NCOR1: variants seen among roughly 807,000 people sequenced by gnomAD.
NCOR1 encodes nuclear receptor corepressor 1, also known as protein phosphatase 1, regulatory subunit 109.
NCOR1 carries 63 observed loss-of-function variants against 288.1 expected under a neutral mutation model. The observed-to-expected ratio is 0.22, with a 90% CI of 0.18 to 0.27. NCOR1 has a LOEUF of 0.27. Ranked by LOEUF, NCOR1 falls within the 10% of genes least tolerant of loss-of-function variation. NCOR1 has a pLI of 1.00. For missense variants in NCOR1, 2,397 were observed against 3,019.2 expected (o/e 0.79, Z 4.83); for synonymous variants, 1,007 against 1,065.9 (o/e 0.94, Z 1.08).
intron 13 of NCOR1, chr17:16,137,857 C>G (rs1599244540): frequency 6.6e-6 from 2 of 303,850 alleles, no homozygotes; most frequent in Admixed American, 9.8e-5. Flanking sequence ...GTATTATGTG[C>G]TGCTGAAGCG....
intron 14 of NCOR1, 137 bp from the exon 15 acceptor site, chr17:16,126,343 A>T (rs1436836531): frequency 1.0e-5 from 9 of 877,098 alleles, no homozygotes; most frequent in Non-Finnish European, 1.3e-5. Context: ...TCGTGTGTTA[A>T]AAACCAGTCT....
At chr17:16,148,882 T>A (rs989661017) in intron 9 of NCOR1, among the ~76,000 whole-genome samples, 1 of 152,258 alleles carries the variant, frequency 6.6e-6, no homozygotes, top group Non-Finnish European at 1.5e-5. Flanking sequence ...CACTTCAGTT[T>A]AAATGTATTA....
Position 16,189,341 on chromosome 17 carries a change from C to T in NCOR1, c.109-2654G>A, listed in dbSNP as rs143676146. ...CCCAGGAGGTGGAGGTTGCAATGAG[C>T]CAAGATTGTGCCACTGTACTTCAGC... is the stretch of plus-strand genomic sequence containing the variant. On this transcript the variant is annotated intron_variant, in intron 2 of 45. Transcript: ENST00000268712. Among the ~76,000 whole-genome samples the T allele has an allele frequency of 3.9e-5, 6 of 152,182 alleles. No individual in the cohort carries two copies. The East Asian group carries it at 1.2e-3, about 29-fold the overall frequency.
chr17:16,127,074 A>G (rs1303677773), intron 14 of NCOR1, among the ~76,000 whole-genome samples: 1 of 151,668 alleles, frequency 6.6e-6, no homozygotes, highest in Admixed American at 6.6e-5. Context: ...ACTGTGCCTA[A>G]TATACAAATC....
intron 18 of NCOR1, among the ~76,000 whole-genome samples, chr17:16,113,901 AG>A (rs2070905526): frequency 1.3e-5 from 2 of 152,142 alleles, no homozygotes; most frequent in African/African-American, 4.8e-5. Context: ...TCAAAAAAAA[AG>A]AAAAAAGAAA....
intron 3 of NCOR1, among the ~76,000 whole-genome samples, chr17:16,186,009 G>A (rs1278601611): frequency 2.0e-5 from 3 of 152,036 alleles, no homozygotes; most frequent in African/African-American, 7.2e-5. Flanking sequence ...GAGATGGTAA[G>A]GACACTCAGG....
rs1971780689 is a variant in NCOR1, at chr17:16,029,807, C to T, written c.*2489G>A. ...TTTAACTCTCATTCTGAGATTTCTT[C>T]TCCAGGTGATGGTAAATAAAGTAAT... On this transcript the variant is annotated 3_prime_UTR_variant, in exon 46 of 46. Coordinates refer to ENST00000268712, the MANE Select transcript of NCOR1 (RefSeq NM_006311.4). The T allele has an allele frequency of 6.6e-6, 1 of 152,578 alleles. No individual in the cohort carries two copies. The allele number at this position is 152,578 out of a possible 1,614,324, so 9.5% of individuals were successfully genotyped here. A position where few individuals can be genotyped will look rare whatever the true frequency, so the allele number is the denominator to read the frequency against.
chr17:16,127,569 GTA>G lies in NCOR1; in HGVS notation c.1510-1365_1510-1364del, dbSNP rs374200965. ...TATATACACATGTGTATATATGTAT[GTA>G]TATATACATATGTGTATATATGTAT... is the stretch of plus-strand genomic sequence containing the variant. On this transcript the variant is annotated intron_variant, in intron 14 of 45. Transcript: ENST00000268712. 1.9e-3 allele frequency among the ~76,000 whole-genome samples: 234 copies of G among 121,236 alleles called. 2 individuals carry two copies. Among genetic ancestry groups the G allele is most frequent in the African/African-American group, 8.9e-3 (213 of 23,800 alleles). 79.5% of individuals were successfully genotyped at this position (121,236 alleles called of 152,430 possible).
chr17:16,185,036 T>C (rs929593209), intron 3 of NCOR1, among the ~76,000 whole-genome samples: 4 of 130,842 alleles, frequency 3.1e-5, no homozygotes, highest in Admixed American at 7.6e-5. Flanking sequence ...AAAGGAACTA[T>C]ACAAAGAGAA....
At chr17:16,057,773 T>C (rs201741103) in intron 39 of NCOR1, 36 bp from the exon 40 acceptor site, 17 of 1,585,448 alleles carry the variant, frequency 1.1e-5, no homozygotes, top group Admixed American at 5.2e-5. Flanking sequence ...GTAAAATTCA[T>C]TGAGTACTTG....
chr17:16,193,619 A>G (rs1163678132), intron 2 of NCOR1, among the ~76,000 whole-genome samples: 1 of 152,206 alleles, frequency 6.6e-6, no homozygotes, highest in African/African-American at 2.4e-5. Flanking sequence ...CAACACAAGC[A>G]AAATTCAACA....
chr17:16,068,189 C>G, intron 31 of NCOR1, 68 bp from the exon 32 acceptor site: 1 of 1,266,290 alleles, frequency 7.9e-7, no homozygotes. Flanking sequence ...TTGTCCATTT[C>G]TCAACCATTC....
intron 5 of NCOR1, among the ~76,000 whole-genome samples, chr17:16,163,813 A>G (rs1036405695): frequency 4.6e-5 from 7 of 152,262 alleles, no homozygotes; most frequent in Non-Finnish European, 1.0e-4. Flanking sequence ...AATGGGATTC[A>G]GGCATATAAA....
At chr17:16,126,553 A>G (rs2074081293) in intron 14 of NCOR1, among the ~76,000 whole-genome samples, 1 of 152,138 alleles carries the variant, frequency 6.6e-6, no homozygotes, top group South Asian at 2.1e-4. Flanking sequence ...TTGATAACCC[A>G]TACATAATTT....
rs753151137 is a variant in NCOR1, at chr17:16,091,949, C to T, written c.2930G>A (p.Arg977Gln). 10 of 1,614,194 alleles carry T rather than the reference C, an allele frequency of 6.2e-6. No individual in the cohort carries two copies. Among genetic ancestry groups the T allele is most frequent in the East Asian group, 2.2e-5 (1 of 44,890 alleles). Reference protein sequence around the residue: ...MHESALLEEQRQRQEQIDLEC... With the variant: ...MHESALLEEQQQRQEQIDLEC... The stretch of plus-strand genomic sequence containing the variant: ...CAAATCTATCTGTTCTTGTCTCTGC[C>T]GCTGCTCCTCCAGGAGTGCTGACTC... The change falls in exon 22 of 46, where the codon CGG becomes CAG. Residue 977 changes from arginine to glutamine, a missense_variant. Arg to Gln is a conservative substitution (Grantham distance 43, BLOSUM62 1). This residue lies in a region of NCOR1 where 1,872 missense variants were observed against 2,187.8 expected (regional missense o/e 0.86). Coordinates refer to ENST00000268712, the MANE Select transcript of NCOR1 (RefSeq NM_006311.4).
In NCOR1 at chr17:16,030,154, A is replaced by G; in HGVS notation, c.*2142T>C. The G allele has an allele frequency of 5.1e-6, 1 of 195,806 alleles. No individual in the cohort carries two copies. Among genetic ancestry groups the G allele is most frequent in the Non-Finnish European group, 1.1e-5 (1 of 94,954 alleles). The allele number at this position is 195,806 out of a possible 1,614,324, so 12.1% of individuals were successfully genotyped here. A position where few individuals can be genotyped will look rare whatever the true frequency, so the allele number is the denominator to read the frequency against. ...TTCTTACAATAAAGTAAGCTAGAGA[A>G]GAGAAAATGTTTGTTAAGATTATAA... is the stretch of plus-strand genomic sequence containing the variant. On this transcript the variant is annotated 3_prime_UTR_variant, in exon 46 of 46. Coordinates refer to ENST00000268712, the MANE Select transcript of NCOR1 (RefSeq NM_006311.4).
At chr17:16,100,882 C>T (rs972946520) in intron 20 of NCOR1, among the ~76,000 whole-genome samples, 2 of 152,142 alleles carry the variant, frequency 1.3e-5, no homozygotes. Context: ...CTTAGAGAAG[C>T]GGGAGTGCCT....
intron 44 of NCOR1, among the ~76,000 whole-genome samples, chr17:16,035,492 C>T (rs1266323670): frequency 6.7e-6 from 1 of 149,278 alleles, no homozygotes; most frequent in Admixed American, 6.7e-5. Flanking sequence ...TGCAGCAATT[C>T]AGTTACATCT....
intron 23 of NCOR1, among the ~76,000 whole-genome samples, chr17:16,085,163 C>T (rs556387504): frequency 1.3e-5 from 2 of 152,262 alleles, no homozygotes; most frequent in South Asian, 4.1e-4. Flanking sequence ...GGCCAATAAG[C>T]ACATGAAAAG....
Sources: gnomAD v4.1 joint callset for allele counts (sites outside exome capture counted in the v4.1 genomes callset) on GRCh38, gnomAD v4.1.1 for gene constraint, gnomAD v4.1.1 regional missense constraint, MANE v1.5 for transcripts, NCBI Gene and HGNC (gene_info 2026-07-23, HGNC 2026-07-21) for gene names.